FGF13: variants seen among roughly 807,000 people sequenced by gnomAD.
The protein encoded by FGF13 is fibroblast growth factor 13, also known as fibroblast growth factor homologous factor 2.
A neutral mutation model predicts 19.5 loss-of-function variants in FGF13; 2 were observed. The observed-to-expected ratio is 0.10, with a 90% CI of 0.04 to 0.32. The LOEUF (loss-of-function observed/expected upper bound fraction) is 0.32. FGF13 is among the 10% of genes least tolerant of loss of function. The pLI, the probability that FGF13 is intolerant of heterozygous loss-of-function variation, is 1.00. For missense variants in FGF13, 113 were observed against 192.7 expected, an observed-to-expected ratio of 0.59 and a Z score of 2.45; for synonymous variants, 72 against 76.9, an observed-to-expected ratio of 0.94 and a Z score of 0.33.
chrX:138,912,278 T>C (rs1423131950), intron 1 of FGF13, among the ~76,000 whole-genome samples: 1 of 111,529 alleles, frequency 9.0e-6, no homozygotes, highest in Non-Finnish European at 1.9e-5. Context: ...AATTTACATT[T>C]TGAACTTTTC....
rs774388714 is a variant in FGF13, at chrX:139,036,487, T to C, written c.-113+166929A>G. On this transcript the variant is annotated intron_variant, in intron 1 of 2. Coordinates refer to the FGF13 transcript ENST00000421460. ...AATTGAAATGTGGCCTACATCAAAG[T>C]CAATTAGTTAAAAAATAGATGAGCA... Among the ~76,000 whole-genome samples, 3 of 111,308 alleles carry C rather than the reference T, an allele frequency of 2.7e-5. No homozygotes were observed. The South Asian group carries it at 1.1e-3, about 42-fold the overall frequency.
chrX:138,673,997 G>A (rs995478762), intron 3 of FGF13, among the ~76,000 whole-genome samples: 2 of 110,706 alleles, frequency 1.8e-5, no homozygotes, highest in Non-Finnish European at 3.8e-5. Flanking sequence ...AGGGGGAGAG[G>A]GAGGCATTCA....
At chrX:139,015,062 T>C (rs1179270342) in intron 1 of FGF13, among the ~76,000 whole-genome samples, 2 of 111,232 alleles carry the variant, frequency 1.8e-5, no homozygotes, top group African/African-American at 3.3e-5. Flanking sequence ...AGAAGGAACA[T>C]ATCTCAACAT....
At chrX:138,698,857 C>G (rs1387863704) in intron 3 of FGF13, among the ~76,000 whole-genome samples, 1 of 111,586 alleles carries the variant, frequency 9.0e-6, no homozygotes, top group African/African-American at 3.3e-5. Flanking sequence ...GGCTCTGTTG[C>G]AACTATTCAA....
intron 1 of FGF13, among the ~76,000 whole-genome samples, chrX:139,196,479 A>C (rs952544227): frequency 3.6e-5 from 4 of 111,803 alleles, no homozygotes; most frequent in African/African-American, 1.3e-4. Context: ...GAGAAAAGTC[A>C]CTCAAAAAAT....
At chrX:138,678,139 T>C (rs1171899919) in intron 3 of FGF13, among the ~76,000 whole-genome samples, 2 of 110,425 alleles carry the variant, frequency 1.8e-5, no homozygotes, top group Non-Finnish European at 3.8e-5. Flanking sequence ...TGAGAACACA[T>C]GGACACAGGA....
chrX:139,133,011 GA>G (rs1427274949), intron 1 of FGF13, among the ~76,000 whole-genome samples: 1 of 111,101 alleles, frequency 9.0e-6, no homozygotes, highest in Non-Finnish European at 1.9e-5. Flanking sequence ...GAGTAAGTGG[GA>G]AAAAAGGCTT....
chrX:138,781,373 C>T lies in FGF13; in HGVS notation c.218-72445G>A, dbSNP rs190975433. ...AAACCCTTCAAAAAATTAATGAATC[C>T]GGGAGCTGGTTTTTTGAAAAGATCA... On this transcript the variant is annotated intron_variant, in intron 3 of 6. Coordinates refer to the FGF13 transcript ENST00000436198. 2.4e-3 allele frequency among the ~76,000 whole-genome samples: 260 copies of T among 110,095 alleles called. 2 individuals are homozygous for T. The highest frequency in any genetic ancestry group is 7.6e-3 in the African/African-American group (230 of 30,137).
At chrX:139,109,279 C>G (rs992989089) in intron 1 of FGF13, among the ~76,000 whole-genome samples, 6 of 111,629 alleles carry the variant, frequency 5.4e-5, no homozygotes, top group African/African-American at 2.0e-4. Flanking sequence ...ATGCGACCAA[C>G]TCATTAGTGT....
chrX:138,814,253 C>T (rs911521194), intron 3 of FGF13, among the ~76,000 whole-genome samples: 6 of 109,615 alleles, frequency 5.5e-5, no homozygotes, highest in Non-Finnish European at 3.8e-5. Context: ...GAAAAATTAA[C>T]AATAGCCAGT....
chrX:139,113,164 T>C (rs1005126594), intron 1 of FGF13, among the ~76,000 whole-genome samples: 2 of 110,878 alleles, frequency 1.8e-5, no homozygotes, highest in Non-Finnish European at 3.8e-5. Flanking sequence ...GTGCTCCAAA[T>C]TATCAAAATC....
At chrX:138,984,588 A>AAGG (rs1162674246) in intron 1 of FGF13, among the ~76,000 whole-genome samples, 738 of 11,483 alleles carry the variant, frequency 0.064, 183 homozygotes, top group Non-Finnish European at 0.076. Context: ...GAAGAAGAAG[A>AAGG]AGGAGGAGGA....
chrX:138,901,631 G>A (rs1236297571), intron 1 of FGF13, among the ~76,000 whole-genome samples: 7 of 111,719 alleles, frequency 6.3e-5, no homozygotes, highest in Middle Eastern at 4.6e-3. Context: ...TGGCAAACTT[G>A]TATTAATAGA....
chrX:138,970,804 C>T (rs1357560054), intron 1 of FGF13, among the ~76,000 whole-genome samples: 1 of 111,012 alleles, frequency 9.0e-6, no homozygotes, highest in African/African-American at 3.3e-5. Flanking sequence ...ATCCTATTTT[C>T]GAATATGACA....
chrX:138,773,337 G>A (rs984532296), intron 3 of FGF13, among the ~76,000 whole-genome samples: 4 of 111,927 alleles, frequency 3.6e-5, no homozygotes, highest in African/African-American at 9.8e-5. Flanking sequence ...ATCTCACTGG[G>A]TCCTCAGAGG....
intron 1 of FGF13, among the ~76,000 whole-genome samples, chrX:138,893,326 C>T (rs1010637604): frequency 5.4e-5 from 6 of 111,611 alleles, no homozygotes; most frequent in South Asian, 7.6e-4. Context: ...CTTGTCCTTG[C>T]GCTTATAATT....
In FGF13 at chrX:139,088,820, C is replaced by G. The variant is rs139276120; in HGVS notation, c.-113+114596G>C. Among the ~76,000 whole-genome samples the G allele has an allele frequency of 9.2e-3, 1,027 of 111,813 alleles. 12 individuals are homozygous for G. Among genetic ancestry groups the G allele is most frequent in the African/African-American group, 0.031 (943 of 30,697 alleles). On this transcript the variant is annotated intron_variant, in intron 1 of 2. Transcript: ENST00000421460. ...ATGTTGAAATCCTAGCCTCGAAGTT[C>G]ATGGCTTTTGGGAAGTTATTAGGTC...
intron 1 of FGF13, among the ~76,000 whole-genome samples, chrX:139,105,388 C>T (rs1341346502): frequency 4.5e-5 from 5 of 111,150 alleles, no homozygotes; most frequent in Non-Finnish European, 9.4e-5. Flanking sequence ...CTGGTTGCAA[C>T]CTAAGATTCT....
At chrX:138,683,294 T>C (rs1244795061) in intron 3 of FGF13, among the ~76,000 whole-genome samples, 2 of 110,688 alleles carry the variant, frequency 1.8e-5, no homozygotes. Context: ...TGTTTGAAGA[T>C]GGGGATTATC....
Sources: gnomAD v4.1 joint callset for allele counts (sites outside exome capture counted in the v4.1 genomes callset) on GRCh38, gnomAD v4.1.1 for gene constraint, MANE v1.5 for transcripts, NCBI Gene and HGNC (gene_info 2026-07-23, HGNC 2026-07-21) for gene names.